Variants in MAOA observed in about 807,000 individuals in gnomAD.
MAOA encodes monoamine oxidase A, also known as amine oxidase [flavin-containing] A.
A neutral mutation model predicts 42.0 loss-of-function variants in MAOA; 6 were observed. The ratio of observed to expected loss-of-function variants is 0.14; its 90% CI spans 0.08 to 0.28. The LOEUF is 0.28. MAOA is among the 10% of genes least tolerant of loss of function. The pLI, the probability that MAOA is intolerant of heterozygous loss-of-function variation, is 1.00. For missense variants in MAOA, 262 were observed against 422.3 expected, an observed-to-expected ratio of 0.62 and a Z score of 3.33; for synonymous variants, 140 against 154.0, an observed-to-expected ratio of 0.91 and a Z score of 0.67.
Position 43,657,304 on chromosome X carries a change from G to GTA in MAOA, c.73+902_73+903dup, listed in dbSNP as rs1224993170. ...ATATATATATATGAACTGTGTGTGT[G>GTA]TATATATATATATGAACTTGCAGGA... On this transcript the variant is annotated intron_variant, in intron 1 of 14. Coordinates refer to ENST00000338702, the MANE Select transcript of MAOA (RefSeq NM_000240.4). Among the ~76,000 whole-genome samples the GTA allele has an allele frequency of 3.5e-4, 36 of 102,023 alleles. 1 individual carries two copies. Among genetic ancestry groups the GTA allele is most frequent in the South Asian group, 4.4e-4 (1 of 2,291 alleles). 88.6% of individuals were successfully genotyped at this position (102,023 alleles called of 115,157 possible).
At chrX:43,724,104 G>A (rs1269559686) in intron 5 of MAOA, among the ~76,000 whole-genome samples, 4 of 111,385 alleles carry the variant, frequency 3.6e-5, no homozygotes, top group African/African-American at 1.3e-4. Flanking sequence ...GAGGATTTTC[G>A]CATCAATGTT....
chrX:43,698,970 A>C (rs957196939), intron 3 of MAOA, among the ~76,000 whole-genome samples: 2 of 111,532 alleles, frequency 1.8e-5, no homozygotes, highest in African/African-American at 6.5e-5. Context: ...CAGTAGCTAG[A>C]TATGTTTAAA....
intron 1 of MAOA, among the ~76,000 whole-genome samples, chrX:43,675,421 G>A (rs891558676): frequency 3.6e-5 from 4 of 112,201 alleles, no homozygotes; most frequent in African/African-American, 9.7e-5. Flanking sequence ...TTGATCGTCC[G>A]AAGCCTTCTT....
chrX:43,729,642 CT>C (rs2033864837), intron 6 of MAOA, among the ~76,000 whole-genome samples: 1 of 110,818 alleles, frequency 9.0e-6, no homozygotes, highest in African/African-American at 3.3e-5. Context: ...ATTTTTTTTC[CT>C]TTTTTTAATT....
intron 1 of MAOA, among the ~76,000 whole-genome samples, chrX:43,668,127 ATC>A (rs1324213411): frequency 8.9e-6 from 1 of 111,982 alleles, no homozygotes; most frequent in Non-Finnish European, 1.9e-5. Context: ...GTAAGACAGA[ATC>A]TGTTTTTCTG....
At chrX:43,675,364 A>C (rs1051155400) in intron 1 of MAOA, among the ~76,000 whole-genome samples, 6 of 111,895 alleles carry the variant, frequency 5.4e-5, no homozygotes, top group African/African-American at 1.6e-4. Context: ...CAAAGTTTTT[A>C]ACTTCTTTGC....
rs2033986615 is a variant in MAOA at position 43,744,737 on chromosome X, T to C, written c.*224T>C. ...ATTTGTCAGTGTAGATCAACTCATG[T>C]TAATTGATAGAATAAAGCCTTGTGA... On this transcript the variant is annotated 3_prime_UTR_variant, in exon 15 of 15. Transcript: ENST00000338702. 1 of 420,176 alleles carries C rather than the reference T, an allele frequency of 2.4e-6. No homozygotes were observed. Among genetic ancestry groups the C allele is most frequent in the African/African-American group, 2.7e-5 (1 of 37,474 alleles). 34.6% of individuals were successfully genotyped at this position (420,176 alleles called of 1,213,427 possible).
At chrX:43,702,183 C>T (rs2033629615) in intron 3 of MAOA, among the ~76,000 whole-genome samples, 1 of 112,080 alleles carries the variant, frequency 8.9e-6, no homozygotes, top group Non-Finnish European at 1.9e-5. Context: ...ATCCTGCTGC[C>T]TAATAGGATC....
chrX:43,672,947 G>T (rs998148580), intron 1 of MAOA, among the ~76,000 whole-genome samples: 1 of 111,542 alleles, frequency 9.0e-6, no homozygotes, highest in Non-Finnish European at 1.9e-5. Flanking sequence ...GATGATACGG[G>T]CCTCATAAAA....
chrX:43,740,823 C>A, intron 11 of MAOA, 85 bp downstream of exon 11: 1 of 877,710 alleles, frequency 1.1e-6, no homozygotes, highest in Non-Finnish European at 1.6e-6. Context: ...GATTTTTTGA[C>A]AGTCTTATGA....
chrX:43,744,044 C>G (rs1459255936), intron 13 of MAOA, 65 bp from the exon 14 acceptor site: 1 of 1,193,499 alleles, frequency 8.4e-7, no homozygotes, highest in Middle Eastern at 2.3e-4. Context: ...CTGTGGCTAG[C>G]AGGGCCTTGA....
chrX:43,688,541 G>A (rs957507677), intron 2 of MAOA, among the ~76,000 whole-genome samples: 9 of 111,927 alleles, frequency 8.0e-5, no homozygotes, highest in African/African-American at 2.0e-4. Context: ...GTTATTTTTC[G>A]TCATCACTGC....
At chrX:43,685,670 A>G (rs2033482558) in intron 2 of MAOA, among the ~76,000 whole-genome samples, 1 of 111,809 alleles carries the variant, frequency 8.9e-6, no homozygotes, top group Admixed American at 9.5e-5. Context: ...TCTGTGGGTC[A>G]GTAGCCCCAG....
intron 5 of MAOA, among the ~76,000 whole-genome samples, chrX:43,713,633 G>T (rs1336107901): frequency 1.8e-5 from 2 of 111,622 alleles, no homozygotes; most frequent in Non-Finnish European, 3.8e-5. Context: ...AGGAATGGGG[G>T]TGAACTTCTT....
At chrX:43,724,520 G>T (rs1250266221) in intron 5 of MAOA, among the ~76,000 whole-genome samples, 1 of 111,434 alleles carries the variant, frequency 9.0e-6, no homozygotes, top group East Asian at 2.8e-4. Context: ...GGGATTGGTG[G>T]TGATATCCCC....
intron 10 of MAOA, among the ~76,000 whole-genome samples, chrX:43,740,287 T>C (rs2033949895): frequency 8.9e-6 from 1 of 112,191 alleles, no homozygotes; most frequent in African/African-American, 3.2e-5. Context: ...ACTATAGACT[T>C]ATAAAAGGGA....
intron 2 of MAOA, among the ~76,000 whole-genome samples, chrX:43,692,377 G>T (rs1456725531): frequency 1.8e-5 from 2 of 110,933 alleles, no homozygotes; most frequent in Non-Finnish European, 3.8e-5. Context: ...ATCCTCTCAG[G>T]TACTGAAAAT....
intron 2 of MAOA, among the ~76,000 whole-genome samples, chrX:43,687,441 T>C (rs183770084): frequency 1.8e-5 from 2 of 112,169 alleles, no homozygotes; most frequent in Admixed American, 1.9e-4. Flanking sequence ...AATTCCAGTT[T>C]TGTTCATTAT....
intron 3 of MAOA, among the ~76,000 whole-genome samples, chrX:43,701,359 CA>C (rs1161019643): frequency 9.0e-6 from 1 of 111,667 alleles, no homozygotes; most frequent in Admixed American, 9.5e-5. Context: ...AGTTCCTACT[CA>C]GTGACAACCC....
Sources: allele counts gnomAD v4.1 joint callset (sites outside exome capture counted in the v4.1 genomes callset), GRCh38; gene constraint gnomAD v4.1.1; transcripts MANE v1.5; gene names NCBI Gene and HGNC (gene_info 2026-07-23, HGNC 2026-07-21).